The following ZBTB20 variants were observed in gnomAD, a reference collection of about 807,000 sequenced individuals.
ZBTB20 encodes zinc finger and BTB domain-containing protein 20.
In ZBTB20, 9 loss-of-function variants were observed where a neutral mutation model predicts 56.9. That is an observed-to-expected ratio of 0.16 (90% CI 0.10 to 0.28). ZBTB20 has a LOEUF of 0.28. ZBTB20 is among the 10% of genes least tolerant of loss of function. The pLI, the probability that ZBTB20 is intolerant of heterozygous loss-of-function variation, is 1.00. For missense variants in ZBTB20, 655 were observed against 1,003.0 expected (o/e 0.65, Z 4.69); for synonymous variants, 417 against 420.7 (o/e 0.99, Z 0.11).
chr3:114,713,132 C>A (rs746575151), intron 5 of ZBTB20, among the ~76,000 whole-genome samples: 4 of 152,028 alleles, frequency 2.6e-5, no homozygotes, highest in African/African-American at 4.8e-5. Flanking sequence ...CTCTTCATTT[C>A]CCCTCGATGT....
chr3:115,084,825 G>GC (rs35907436), intron 1 of ZBTB20, among the ~76,000 whole-genome samples: 3 of 151,940 alleles, frequency 2.0e-5, no homozygotes, highest in Non-Finnish European at 2.9e-5. Flanking sequence ...TTTCATAAAT[G>GC]CCCCATCACA....
chr3:114,870,832 T>C (rs1234913387), intron 4 of ZBTB20, among the ~76,000 whole-genome samples: 11 of 152,046 alleles, frequency 7.2e-5, no homozygotes, highest in Admixed American at 7.2e-4. Flanking sequence ...CTCTAAGTCT[T>C]TTCTCCATCC....
At chr3:114,778,756 T>C (rs1324878817) in intron 5 of ZBTB20, among the ~76,000 whole-genome samples, 1 of 152,144 alleles carries the variant, frequency 6.6e-6, no homozygotes, top group African/African-American at 2.4e-5. Flanking sequence ...TTGGAGAAAA[T>C]AGTCCAATGA....
intron 4 of ZBTB20, among the ~76,000 whole-genome samples, chr3:114,887,280 T>C (rs1262612440): frequency 6.6e-6 from 1 of 152,160 alleles, no homozygotes; most frequent in Non-Finnish European, 1.5e-5. Context: ...ACCATAGCAG[T>C]GTGTAAATAA....
intron 1 of ZBTB20, among the ~76,000 whole-genome samples, chr3:115,093,649 G>A (rs1004289392): frequency 2.6e-5 from 4 of 152,146 alleles, no homozygotes; most frequent in African/African-American, 9.7e-5. Context: ...TTGGGGGCAT[G>A]TTTTGGGAAT....
chr3:114,585,389 C>T (rs1387002809), intron 6 of ZBTB20, among the ~76,000 whole-genome samples: 1 of 152,154 alleles, frequency 6.6e-6, no homozygotes, highest in Non-Finnish European at 1.5e-5. Flanking sequence ...CAACAATTGA[C>T]AAAAACTATG....
At chr3:114,476,152 A>G (rs1055709174) in intron 7 of ZBTB20, among the ~76,000 whole-genome samples, 2 of 152,192 alleles carry the variant, frequency 1.3e-5, no homozygotes, top group African/African-American at 2.4e-5. Context: ...ATACTATTAT[A>G]GGTTCTTCAT....
chr3:114,863,564 A>T (rs1429968849), intron 4 of ZBTB20, among the ~76,000 whole-genome samples: 1 of 152,120 alleles, frequency 6.6e-6, no homozygotes, highest in East Asian at 1.9e-4. Context: ...TTCCAGGGCT[A>T]ATGACCTCAT....
At chr3:114,389,198 T>C (rs900535830) in intron 7 of ZBTB20, 93 bp from the exon 8 acceptor site, 10 of 152,150 alleles carry the variant, frequency 6.6e-5, no homozygotes, top group African/African-American at 2.2e-4. Context: ...CTTTGGGACT[T>C]GAGTGAGAGG....
At chr3:114,404,238 C>A (rs2087086564) in intron 7 of ZBTB20, among the ~76,000 whole-genome samples, 1 of 152,130 alleles carries the variant, frequency 6.6e-6, no homozygotes, top group Non-Finnish European at 1.5e-5. Flanking sequence ...TAATCACGAT[C>A]ATTCTGGTAC....
intron 1 of ZBTB20, among the ~76,000 whole-genome samples, chr3:115,124,790 A>G (rs947149800): frequency 2.6e-5 from 4 of 152,190 alleles, no homozygotes; most frequent in Non-Finnish European, 2.9e-5. Context: ...TCTATAGAAA[A>G]TAATTTAAAC....
At chr3:114,782,464 G>A (rs2070174922) in intron 5 of ZBTB20, among the ~76,000 whole-genome samples, 1 of 152,136 alleles carries the variant, frequency 6.6e-6, no homozygotes, top group Non-Finnish European at 1.5e-5. Context: ...TCTCTGTGCT[G>A]GGGATAAATG....
chr3:114,862,521 TA>T (rs1296600567), intron 4 of ZBTB20, among the ~76,000 whole-genome samples: 8 of 152,160 alleles, frequency 5.3e-5, no homozygotes, highest in Non-Finnish European at 7.4e-5. Flanking sequence ...GGTTATTCTT[TA>T]AAAATAGTAG....
chr3:114,777,156 T>C lies in ZBTB20; in HGVS notation c.-343+23945A>G, dbSNP rs143823015. ...TTTCCTTTAGCTATTCAAAGAAAAA[T>C]CTATTTTTAAGGTTTAACCCAAAGA... On this transcript the variant is annotated intron_variant, in intron 5 of 11. Coordinates refer to ENST00000675478, the MANE Select transcript of ZBTB20 (RefSeq NM_001348800.3). 9.7e-3 allele frequency among the ~76,000 whole-genome samples: 1,475 copies of C among 152,246 alleles called. 15 individuals are homozygous for C. The highest frequency in any genetic ancestry group is 0.02 in the Middle Eastern group (6 of 294).
chr3:114,599,170 G>A (rs976678100), intron 6 of ZBTB20: 1 of 152,004 alleles, frequency 6.6e-6, no homozygotes, highest in African/African-American at 2.4e-5. Flanking sequence ...TTTCATAATA[G>A]TACATGGCAT....
chr3:114,882,530 C>T (rs2076436618), intron 4 of ZBTB20, among the ~76,000 whole-genome samples: 1 of 151,874 alleles, frequency 6.6e-6, no homozygotes, highest in South Asian at 2.1e-4. Context: ...AACCAAATTT[C>T]CATAAATAGG....
intron 2 of ZBTB20, among the ~76,000 whole-genome samples, 184 bp downstream of exon 2, chr3:115,071,035 G>T (rs2082391935): frequency 6.6e-6 from 1 of 151,418 alleles, no homozygotes; most frequent in African/African-American, 2.4e-5. Flanking sequence ...CAAAACTGTA[G>T]TCAGAATTAT....
At chr3:114,986,643 T>C (rs912603869) in intron 2 of ZBTB20, among the ~76,000 whole-genome samples, 1 of 152,162 alleles carries the variant, frequency 6.6e-6, no homozygotes, top group African/African-American at 2.4e-5. Context: ...ATTTCCCAAT[T>C]GGAATATACC....
At chr3:114,604,435 T>C (rs1296105589) in intron 6 of ZBTB20, among the ~76,000 whole-genome samples, 1 of 152,014 alleles carries the variant, frequency 6.6e-6, no homozygotes. Context: ...TGGGGAGAAG[T>C]GAAGACGTTT....
Sources: allele counts gnomAD v4.1 joint callset (sites outside exome capture counted in the v4.1 genomes callset), GRCh38; gene constraint gnomAD v4.1.1; transcripts MANE v1.5; gene names NCBI Gene and HGNC (gene_info 2026-07-23, HGNC 2026-07-21).